The following GRIA1 variants were observed in gnomAD, a reference collection of about 807,000 sequenced individuals.
GRIA1 encodes glutamate receptor 1.
In GRIA1, 31 loss-of-function variants were observed where a neutral mutation model predicts 99.2. That is an observed-to-expected ratio of 0.31 (90% CI 0.23 to 0.42). The LOEUF is 0.42. GRIA1 is among the 10% of genes least tolerant of loss of function. The pLI is 1.00. For synonymous variants in GRIA1, 438 were observed against 432.4 expected (o/e 1.01, Z -0.16); for missense variants, 782 against 1,157.5 (o/e 0.68, Z 4.71).
chr5:153,756,866 A>C lies in GRIA1; in HGVS notation c.1824-7568A>C, dbSNP rs1762867116. ...GAGCACAAACAAAGCCAGATTGCAAAGACTAGAATAAATATCTAATTCTTC... is the reference window on the plus strand; with the variant it reads ...GAGCACAAACAAAGCCAGATTGCAACGACTAGAATAAATATCTAATTCTTC... On this transcript the variant is annotated intron_variant, in intron 11 of 15. Transcript: ENST00000285900. 2.6e-5 allele frequency among the ~76,000 whole-genome samples: 4 copies of C among 152,336 alleles called. No individual in the cohort carries two copies. In the South Asian group the frequency reaches 8.3e-4, roughly 32 times the overall value.
At chr5:153,680,067 A>T (rs1756862321) in intron 7 of GRIA1, among the ~76,000 whole-genome samples, 1 of 152,172 alleles carries the variant, frequency 6.6e-6, no homozygotes, top group African/African-American at 2.4e-5. Flanking sequence ...TTATACAGCT[A>T]GCTAGTGGTA....
intron 11 of GRIA1, among the ~76,000 whole-genome samples, chr5:153,728,371 A>C: frequency 6.7e-6 from 1 of 148,154 alleles, no homozygotes; most frequent in Non-Finnish European, 1.5e-5. Context: ...ACAAAAGCCA[A>C]AATTGACAAA....
At chr5:153,510,702 T>A (rs1254405901) in intron 2 of GRIA1, among the ~76,000 whole-genome samples, 1 of 152,220 alleles carries the variant, frequency 6.6e-6, no homozygotes, top group Non-Finnish European at 1.5e-5. Context: ...ATTGTTGATA[T>A]TCCAAAGGTC....
intron 13 of GRIA1, among the ~76,000 whole-genome samples, chr5:153,790,842 C>T (rs1465035745): frequency 6.6e-6 from 1 of 152,136 alleles, no homozygotes; most frequent in African/African-American, 2.4e-5. Context: ...GAAACTACTG[C>T]TAGGCTAAGG....
chr5:153,565,201 T>C (rs1406343393), intron 2 of GRIA1, among the ~76,000 whole-genome samples: 4 of 152,334 alleles, frequency 2.6e-5, no homozygotes, highest in East Asian at 3.9e-4. Flanking sequence ...GGCGGACTTA[T>C]GTAATACCTG....
In GRIA1 at chr5:153,701,619, C is replaced by CAAAAAAAAAAAAAAAAAAAAAAAAAAAA. The variant is rs70978504; in HGVS notation, c.1452+2569_1452+2570insAAAAAAAAAAAAAAAAAAAAAAAAAAAA. Among the ~76,000 whole-genome samples the CAAAAAAAAAAAAAAAAAAAAAAAAAAAA allele has an allele frequency of 2.1e-3, 84 of 39,394 alleles. 13 individuals carry two copies. Among genetic ancestry groups the CAAAAAAAAAAAAAAAAAAAAAAAAAAAA allele is most frequent in the South Asian group, 6.0e-3 (3 of 500 alleles). 25.8% of individuals were successfully genotyped at this position (39,394 alleles called of 152,430 possible). A position where few individuals can be genotyped will look rare whatever the true frequency, so the allele number is the denominator to read the frequency against. ...CTGGGCGACAAAGCGAGACCCGTCT[C>CAAAAAAAAAAAAAAAAAAAAAAAAAAAA]AAAAAAAAAAAAAAAAAAAAAAATA... On this transcript the variant is annotated intron_variant, in intron 10 of 15. Coordinates refer to ENST00000285900, the MANE Select transcript of GRIA1 (RefSeq NM_000827.4).
intron 13 of GRIA1, among the ~76,000 whole-genome samples, chr5:153,790,814 G>A (rs4958351): frequency 0.3 from 46,264 of 151,766 alleles, 7,489 homozygotes; most frequent in South Asian, 0.41. Flanking sequence ...TTTCTCATCC[G>A]TGAAAACTAG....
At chr5:153,638,205 A>G (rs1352382463) in intron 2 of GRIA1, among the ~76,000 whole-genome samples, 2 of 152,216 alleles carry the variant, frequency 1.3e-5, no homozygotes, top group Non-Finnish European at 2.9e-5. Flanking sequence ...TATAAGCTTT[A>G]TGAGGGCAAA....
chr5:153,533,824 G>T lies in GRIA1; in HGVS notation c.220+39759G>T, dbSNP rs114778928. ...GAGCATTCTTCTAAGCACATCCCAT[G>T]CATAATCTCATTTAATGCTCACAAT... On this transcript the variant is annotated intron_variant, in intron 2 of 15. Coordinates refer to ENST00000285900, the MANE Select transcript of GRIA1 (RefSeq NM_000827.4). 1.8e-3 allele frequency among the ~76,000 whole-genome samples: 269 copies of T among 152,306 alleles called. 4 individuals are homozygous for T. The highest frequency in any genetic ancestry group is 6.3e-3 in the African/African-American group (260 of 41,558).
intron 2 of GRIA1, among the ~76,000 whole-genome samples, chr5:153,578,167 A>C (rs1427971597): frequency 1.6e-5 from 2 of 121,322 alleles, no homozygotes; most frequent in Non-Finnish European, 3.7e-5. Flanking sequence ...AAAAAAAAAA[A>C]AAAAAAGAAA....
At chr5:153,786,792 G>A (rs534184110) in intron 13 of GRIA1, among the ~76,000 whole-genome samples, 105 of 152,286 alleles carry the variant, frequency 6.9e-4, no homozygotes, top group Admixed American at 3.5e-3. Context: ...GAGCAACCAG[G>A]TCTTAAAAGA....
At chr5:153,787,114 C>T (rs930699519) in intron 13 of GRIA1, among the ~76,000 whole-genome samples, 1 of 152,146 alleles carries the variant, frequency 6.6e-6, no homozygotes, top group African/African-American at 2.4e-5. Flanking sequence ...AAATATCTCC[C>T]TTGGCTGCTT....
At chr5:153,544,385 T>G (rs1440532998) in intron 2 of GRIA1, among the ~76,000 whole-genome samples, 2 of 152,278 alleles carry the variant, frequency 1.3e-5, no homozygotes, top group Admixed American at 1.3e-4. Flanking sequence ...ATGATGACAC[T>G]AGGCAGGTCA....
At chr5:153,589,290 A>C (rs942503369) in intron 2 of GRIA1, among the ~76,000 whole-genome samples, 4 of 152,280 alleles carry the variant, frequency 2.6e-5, no homozygotes, top group Admixed American at 6.5e-5. Flanking sequence ...AGGTGCATCA[A>C]TTTTGGATCA....
chr5:153,773,039 G>T (rs756259180), intron 13 of GRIA1, among the ~76,000 whole-genome samples: 25 of 152,114 alleles, frequency 1.6e-4, no homozygotes, highest in African/African-American at 5.6e-4. Context: ...AAATACTGGA[G>T]TGACATGAAC....
intron 11 of GRIA1, among the ~76,000 whole-genome samples, chr5:153,737,363 A>T (rs1419339345): frequency 6.6e-6 from 1 of 150,558 alleles, no homozygotes; most frequent in East Asian, 2.0e-4. Flanking sequence ...GCTCGGAAAG[A>T]TTACATAAAT....
At chr5:153,735,404 G>A (rs2149565275) in intron 11 of GRIA1, among the ~76,000 whole-genome samples, 1 of 152,250 alleles carries the variant, frequency 6.6e-6, no homozygotes, top group Middle Eastern at 3.4e-3. Context: ...GCAAGCAGGG[G>A]GTACCTGACT....
chr5:153,795,695 G>T, intron 14 of GRIA1: 1 of 628,682 alleles, frequency 1.6e-6, no homozygotes, highest in South Asian at 2.0e-5. Context: ...AGAGAGCTGG[G>T]CCCCAGCAGG....
At chr5:153,647,220 C>T (rs1754221162) in intron 3 of GRIA1, 53 bp downstream of exon 3, 4 of 1,591,362 alleles carry the variant, frequency 2.5e-6, no homozygotes, top group Non-Finnish European at 3.4e-6. Context: ...AGAAAATTAC[C>T]AGCAGAAAGG....
Sources: gnomAD v4.1 joint callset for allele counts (sites outside exome capture counted in the v4.1 genomes callset) on GRCh38, gnomAD v4.1.1 for gene constraint, MANE v1.5 for transcripts, NCBI Gene and HGNC (gene_info 2026-07-23, HGNC 2026-07-21) for gene names.